Variants in INO80D observed in about 807,000 individuals in gnomAD.
INO80D encodes the protein INO80 complex subunit D.
INO80D carries 21 observed loss-of-function variants against 87.6 expected under a neutral mutation model. The observed-to-expected ratio is 0.24, with a 90% confidence interval of 0.17 to 0.35. INO80D has a LOEUF of 0.35. INO80D is among the 10% of genes least tolerant of loss of function. The pLI, the probability that INO80D is intolerant of heterozygous loss-of-function variation, is 1.00. For missense variants in INO80D, 982 were observed against 1,280.7 expected (o/e 0.77, Z 3.56); for synonymous variants, 440 against 491.0 (o/e 0.90, Z 1.37).
At chr2:206,012,867 C>CAAAA (rs71035432) in intron 8 of INO80D, among the ~76,000 whole-genome samples, 1,328 of 85,372 alleles carry the variant, frequency 0.016, 24 homozygotes, top group African/African-American at 0.021. Context: ...AGACTTGTCT[C>CAAAA]AAAAAAAAAA....
At chr2:206,054,781 T>A (rs560050314) in intron 4 of INO80D, among the ~76,000 whole-genome samples, 108 of 152,318 alleles carry the variant, frequency 7.1e-4, no homozygotes, top group South Asian at 1.2e-3. Flanking sequence ...CCCAAAGTGC[T>A]GGGATTACAG....
rs1299447665 is a variant in INO80D, at chr2:206,019,861, CAG to C, written c.1299-18_1299-17del. The C allele has an allele frequency of 8.1e-6, 13 of 1,595,708 alleles. No individual in the cohort carries two copies. The Middle Eastern group carries it at 6.6e-4, about 81-fold the overall frequency. On this transcript the variant is annotated splice_polypyrimidine_tract_variant and intron_variant, in intron 6 of 10. Transcript: ENST00000403263. ...CCGGCTTATGCTAAGGAAAGAAAAA[CAG>C]AGAATTAATTTTTTTTTAATGCTTT...
At chr2:206,057,976 G>C (rs1689572615) in intron 3 of INO80D, among the ~76,000 whole-genome samples, 1 of 150,706 alleles carries the variant, frequency 6.6e-6, no homozygotes, top group African/African-American at 2.4e-5. Context: ...ACATATCTCT[G>C]TTTTTCCAGA....
intron 3 of INO80D, among the ~76,000 whole-genome samples, chr2:206,059,012 G>A (rs974171849): frequency 6.6e-6 from 1 of 150,888 alleles, no homozygotes; most frequent in Non-Finnish European, 1.5e-5. Context: ...ATCCCTTGAG[G>A]CCAGGAGTTC....
intron 6 of INO80D, among the ~76,000 whole-genome samples, chr2:206,025,087 C>G (rs1306309518): frequency 6.6e-6 from 1 of 151,818 alleles, no homozygotes; most frequent in East Asian, 1.9e-4. Context: ...TTTTTTCCCT[C>G]AAGTGACTTA....
At chr2:206,020,042 G>A (rs904979117) in intron 6 of INO80D, among the ~76,000 whole-genome samples, 197 bp from the exon 7 acceptor site, 15 of 151,240 alleles carry the variant, frequency 9.9e-5, no homozygotes, top group Non-Finnish European at 1.9e-4. Context: ...CTAATCTTCT[G>A]ACATTCAAAG....
intron 8 of INO80D, among the ~76,000 whole-genome samples, chr2:206,012,043 T>C (rs569431798): frequency 6.6e-6 from 1 of 152,320 alleles, no homozygotes; most frequent in East Asian, 1.9e-4. Flanking sequence ...CTCATGCCTA[T>C]AATCCCAACA....
chr2:206,053,764 TG>T (rs1458278767), intron 4 of INO80D, among the ~76,000 whole-genome samples: 1 of 152,200 alleles, frequency 6.6e-6, no homozygotes, highest in Non-Finnish European at 1.5e-5. Flanking sequence ...TTTACCAAAA[TG>T]GGATAATAAT....
chr2:206,070,073 G>A (rs1449328906), intron 1 of INO80D, among the ~76,000 whole-genome samples: 3 of 151,834 alleles, frequency 2.0e-5, no homozygotes, highest in Admixed American at 6.6e-5. Context: ...TCAGAAGTTC[G>A]AAGCCAGCCT....
intron 8 of INO80D, among the ~76,000 whole-genome samples, chr2:206,013,465 T>C (rs1688233324): frequency 6.6e-6 from 1 of 150,528 alleles, no homozygotes; most frequent in African/African-American, 2.5e-5. Context: ...GACAGAAGAA[T>C]GGCGTGAACC....
At chr2:206,049,535 T>G (rs1689290928) in intron 4 of INO80D, among the ~76,000 whole-genome samples, 1 of 152,186 alleles carries the variant, frequency 6.6e-6, no homozygotes, top group African/African-American at 2.4e-5. Flanking sequence ...AGTCAAGATC[T>G]AAGTCATAAA....
chr2:206,018,143 T>TG (rs1491284324), intron 7 of INO80D, among the ~76,000 whole-genome samples: 2 of 152,164 alleles, frequency 1.3e-5, no homozygotes, highest in Non-Finnish European at 2.9e-5. Flanking sequence ...ATGTTTTTTT[T>TG]GTTTTGTTTT....
intron 4 of INO80D, among the ~76,000 whole-genome samples, chr2:206,049,452 GTTATC>G (rs1488367792): frequency 6.6e-6 from 1 of 152,122 alleles, no homozygotes. Flanking sequence ...CAGAACATGA[GTTATC>G]TTTTATTTGT....
chr2:206,031,287 G>T (rs1688759800), intron 5 of INO80D, among the ~76,000 whole-genome samples: 1 of 151,656 alleles, frequency 6.6e-6, no homozygotes, highest in Admixed American at 6.6e-5. Context: ...ACATATAAGG[G>T]CCATTATCAT....
At chr2:206,059,946 A>G (rs1399624830) in intron 3 of INO80D, among the ~76,000 whole-genome samples, 4 of 152,138 alleles carry the variant, frequency 2.6e-5, no homozygotes, top group Non-Finnish European at 4.4e-5. Flanking sequence ...GCTCATGTCT[A>G]TAATCCCAAC....
chr2:206,009,083 G>C (rs2105800392), intron 9 of INO80D, among the ~76,000 whole-genome samples: 1 of 152,346 alleles, frequency 6.6e-6, no homozygotes, highest in East Asian at 1.9e-4. Context: ...GCCGAGGCAG[G>C]TGGATCACTT....
At position 206,056,658 on chromosome 2, in the gene INO80D, C is replaced by A. The variant is rs1322550433; in HGVS notation, c.504G>T (p.Lys168Asn). 3 of 1,612,996 alleles carry A rather than the reference C, an allele frequency of 1.9e-6. No individual in the cohort carries two copies. Among genetic ancestry groups the A allele is most frequent in the African/African-American group, 2.7e-5 (2 of 74,936 alleles). The change falls in exon 4 of 11, where the codon AAG becomes AAT. Residue 168 changes from lysine to asparagine, a missense_variant. Coordinates refer to ENST00000403263, the MANE Select transcript of INO80D (RefSeq NM_017759.5). ...DDLKKGATVR[K>N]KLQSKLAQNR... is the part of the protein sequence containing the mutation. The stretch of plus-strand genomic sequence containing the variant: ...TCTGGGCCAACTTGCTCTGCAACTT[C>A]TTTCTCACAGTTGCCCCTTTCTTTA...
intron 7 of INO80D, 44 bp downstream of exon 7, chr2:206,019,692 G>T: frequency 7.1e-7 from 1 of 1,413,654 alleles, no homozygotes; most frequent in East Asian, 2.3e-5. Context: ...CCCCAAATTA[G>T]GTAGTACTTT....
Position 206,058,341 on chromosome 2 carries a change from C to T in INO80D, c.219-1398G>A, listed in dbSNP as rs1007304304. On this transcript the variant is annotated intron_variant, in intron 3 of 10. Transcript: ENST00000403263. ...GGCTGAGGCAGGAGAATGGCGCGAA[C>T]CCCGGAGGCAGAGCTTGCAGTGAGC... Among the ~76,000 whole-genome samples, 5 of 151,156 alleles carry T rather than the reference C, an allele frequency of 3.3e-5. No homozygotes were observed. In the East Asian group the frequency reaches 7.8e-4, roughly 24 times the overall value.
Sources: allele counts gnomAD v4.1 joint callset (sites outside exome capture counted in the v4.1 genomes callset), GRCh38; gene constraint gnomAD v4.1.1; transcripts MANE v1.5; gene names NCBI Gene and HGNC (gene_info 2026-07-23, HGNC 2026-07-21).